Variants in AFTPH observed in about 807,000 individuals in gnomAD.
AFTPH encodes aftiphilin protein.
Under a neutral mutation model 72.5 loss-of-function variants are expected in AFTPH, and 7 were observed. That is an observed-to-expected ratio of 0.10 (90% CI 0.05 to 0.18). The LOEUF (loss-of-function observed/expected upper bound fraction) is 0.18, where lower values mean the gene tolerates loss of function less well. AFTPH is among the 10% of genes least tolerant of loss of function. The pLI, the probability that AFTPH is intolerant of heterozygous loss-of-function variation, is 1.00. For synonymous variants in AFTPH, 337 were observed against 370.1 expected, an observed-to-expected ratio of 0.91 and a Z score of 1.03; for missense variants, 979 against 1,060.5, an observed-to-expected ratio of 0.92 and a Z score of 1.07.
chr2:64,577,047 C>T (rs765946049), intron 6 of AFTPH, among the ~76,000 whole-genome samples: 1 of 145,044 alleles, frequency 6.9e-6, no homozygotes, highest in Admixed American at 6.6e-5. Flanking sequence ...GTGTGAGCCA[C>T]CGCGCCTGGC....
chr2:64,543,292 A>G lies in AFTPH; in HGVS notation c.-32-8151A>G. ...TGGATATGAGTTCTTTGACAGTTAC[A>G]TGTTTTGCACATATCTTCTCCCAGG... is the stretch of plus-strand genomic sequence containing the variant. On this transcript the variant is annotated intron_variant, in intron 1 of 8. Coordinates refer to ENST00000238856, the Ensembl canonical transcript of AFTPH. 1.3e-5 allele frequency among the ~76,000 whole-genome samples: 2 copies of G among 152,154 alleles called. 1 individual carries two copies. The highest frequency in any genetic ancestry group is 1.3e-4 in the Admixed American group (2 of 15,278).
intron 6 of AFTPH, among the ~76,000 whole-genome samples, chr2:64,573,715 T>G (rs1672591397): frequency 6.6e-6 from 1 of 152,104 alleles, no homozygotes; most frequent in Non-Finnish European, 1.5e-5. Context: ...TGGAGTGCAG[T>G]GGTATGATCT....
chr2:64,546,884 CAA>C (rs758378321), intron 1 of AFTPH, among the ~76,000 whole-genome samples: 10 of 133,856 alleles, frequency 7.5e-5, no homozygotes, highest in South Asian at 2.4e-4. Context: ...AAAAAAAATC[CAA>C]AAAAAAAAAA....
intron 7 of AFTPH, among the ~76,000 whole-genome samples, chr2:64,584,629 T>C (rs558026212): frequency 4.8e-4 from 69 of 144,922 alleles, no homozygotes; most frequent in Admixed American, 1.5e-3. Context: ...CGCAGTCTTG[T>C]TCTGTCACCC....
chr2:64,570,816 T>C (rs985412582), intron 5 of AFTPH, among the ~76,000 whole-genome samples: 1 of 152,036 alleles, frequency 6.6e-6, no homozygotes, highest in African/African-American at 2.4e-5. Context: ...GTGAGGTTTG[T>C]GAGAAGTTAG....
At chr2:64,532,184 G>C (rs1420838956) in intron 1 of AFTPH, among the ~76,000 whole-genome samples, 2 of 151,620 alleles carry the variant, frequency 1.3e-5, no homozygotes, top group Non-Finnish European at 2.9e-5. Context: ...TAGGCACTGG[G>C]ACTGTAAGTG....
chr2:64,582,404 G>T (rs9789654), intron 7 of AFTPH, among the ~76,000 whole-genome samples: 10 of 152,082 alleles, frequency 6.6e-5, no homozygotes, highest in Non-Finnish European at 1.5e-4. Context: ...CTGCAGGGAA[G>T]TTCCAAGGTC....
At chr2:64,524,828 G>A (rs1669150506) in intron 1 of AFTPH, among the ~76,000 whole-genome samples, 1 of 152,204 alleles carries the variant, frequency 6.6e-6, no homozygotes, top group Admixed American at 6.5e-5. Flanking sequence ...CGCCCGAAGC[G>A]CACGGCCCCC....
chr2:64,553,034 A>G (rs1671145376), exon 2 of AFTPH: 1 of 1,614,184 alleles, frequency 6.2e-7, no homozygotes. Context: ...CTAGTGGAAC[A>G]GGCACTGAAC....
chr2:64,576,320 A>C (rs1213391271), intron 6 of AFTPH, among the ~76,000 whole-genome samples: 1 of 151,992 alleles, frequency 6.6e-6, no homozygotes, highest in Non-Finnish European at 1.5e-5. Context: ...GCACAAGCAC[A>C]ATTGTATAAT....
intron 2 of AFTPH, among the ~76,000 whole-genome samples, chr2:64,555,931 T>C (rs1288313532): frequency 6.6e-6 from 1 of 152,062 alleles, no homozygotes; most frequent in African/African-American, 2.4e-5. Context: ...TTAGTATTTT[T>C]CTTAAAATGT....
Position 64,563,934 on chromosome 2 carries a change from G to T in AFTPH, c.1936-3628G>T, listed in dbSNP as rs141672148. On this transcript the variant is annotated intron_variant, in intron 2 of 8. Transcript: ENST00000238856. ...AAGCAAAGTATTCTTAATGCCTAAT[G>T]TGTGGTTTATACATTTTGTGTTTCA... Among the ~76,000 whole-genome samples the T allele has an allele frequency of 9.3e-4, 141 of 152,276 alleles. 2 individuals carry two copies. In the Middle Eastern group the frequency reaches 0.024, roughly 26 times the overall value.
intron 2 of AFTPH, among the ~76,000 whole-genome samples, chr2:64,558,576 A>T (rs909036680): frequency 6.6e-6 from 1 of 152,226 alleles, no homozygotes; most frequent in African/African-American, 2.4e-5. Flanking sequence ...TGCTGGGTAA[A>T]ATCAAGGGAT....
Position 64,569,688 on chromosome 2 carries a change from A to G in AFTPH, c.2271+9A>G. The G allele has an allele frequency of 6.2e-7, 1 of 1,612,836 alleles. No individual in the cohort carries two copies. Among genetic ancestry groups the G allele is most frequent in the Non-Finnish European group, 8.5e-7 (1 of 1,179,010 alleles). On this transcript the variant is annotated intron_variant, in intron 5 of 8. Transcript: ENST00000238856. ...TGTATGCAGCAGGATTGGTAAGTAC[A>G]AAAATCTCTCTGCATGTATTTATCA...
chr2:64,570,291 G>T (rs897390349), intron 5 of AFTPH, among the ~76,000 whole-genome samples: 1 of 151,886 alleles, frequency 6.6e-6, no homozygotes, highest in Non-Finnish European at 1.5e-5. Context: ...TATTTTTATC[G>T]ATGAATAAAA....
intron 1 of AFTPH, among the ~76,000 whole-genome samples, chr2:64,545,060 T>C (rs1670483210): frequency 2.0e-5 from 3 of 152,172 alleles, no homozygotes. Flanking sequence ...TCTTTGTATT[T>C]GCATTAATGT....
At chr2:64,567,578 G>T (rs1672161387) in exon 3 of AFTPH, 5 of 1,610,528 alleles carry the variant, frequency 3.1e-6, no homozygotes, top group African/African-American at 2.7e-5. Context: ...TTATTAAACC[G>T]CCTGGAGCGA....
chr2:64,554,379 C>T (rs1671236160), intron 2 of AFTPH, among the ~76,000 whole-genome samples: 1 of 152,172 alleles, frequency 6.6e-6, no homozygotes, highest in Non-Finnish European at 1.5e-5. Context: ...ACCTCACTGC[C>T]TTATACTGAC....
At chr2:64,573,043 A>G in exon 6 of AFTPH, 1 of 1,614,122 alleles carries the variant, frequency 6.2e-7, no homozygotes, top group South Asian at 1.1e-5. Flanking sequence ...CCAGATATGA[A>G]CACATGTACA....
Sources: allele counts gnomAD v4.1 joint callset (sites outside exome capture counted in the v4.1 genomes callset), GRCh38; gene constraint gnomAD v4.1.1; transcripts MANE v1.5; gene names NCBI Gene and HGNC (gene_info 2026-07-23, HGNC 2026-07-21).